THSD4: variants seen among roughly 807,000 people sequenced by gnomAD.
The protein encoded by THSD4 is thrombospondin type 1 domain containing 4, also known as thrombospondin type-1 domain-containing protein 4.
Under a neutral mutation model 119.0 loss-of-function variants are expected in THSD4, and 69 were observed. The ratio of observed to expected loss-of-function variants is 0.58; its 90% CI spans 0.48 to 0.71. THSD4 has a LOEUF of 0.71. Among genes scored for constraint, THSD4 ranks in the 30% least tolerant of loss-of-function variants. The pLI is 0.00. For synonymous variants in THSD4, 524 were observed against 540.4 expected, an observed-to-expected ratio of 0.97 and a Z score of 0.42; for missense variants, 1,393 against 1,391.1, an observed-to-expected ratio of 1.00 and a Z score of -0.02.
intron 2 of THSD4, among the ~76,000 whole-genome samples, chr15:71,144,295 T>G (rs1217166031): frequency 1.3e-5 from 2 of 152,152 alleles, no homozygotes; most frequent in Non-Finnish European, 2.9e-5. Flanking sequence ...AAATATATTT[T>G]TAAGAGAAAA....
chr15:71,679,064 A>G (rs184118097), intron 8 of THSD4, among the ~76,000 whole-genome samples: 193 of 152,330 alleles, frequency 1.3e-3, no homozygotes, highest in African/African-American at 4.2e-3. Flanking sequence ...ATAATTAAAC[A>G]TTTCAATGGA....
At chr15:71,251,619 G>A (rs1234488169) in intron 5 of THSD4, among the ~76,000 whole-genome samples, 1 of 152,172 alleles carries the variant, frequency 6.6e-6, no homozygotes, top group Non-Finnish European at 1.5e-5. Flanking sequence ...CTGGTCTTTT[G>A]ATTGAATCCA....
Position 71,777,350 on chromosome 15 carries a change from G to A in THSD4, c.3033G>A (p.Gln1011=), listed in dbSNP as rs1567148428. 3.1e-6 allele frequency: 5 copies of A among 1,613,990 alleles called. No individual in the cohort carries two copies. Among genetic ancestry groups the A allele is most frequent in the Non-Finnish European group, 3.4e-6 (4 of 1,180,032 alleles). The stretch of plus-strand genomic sequence containing the variant: ...CCTGCACCCGTGTGGCCAACAGGCA[G>A]ACGGGCTTCCTGGGGAGCAGATAAC... ...CASCTRVANR[Q]TGFLGSR is the part of the protein sequence containing the mutation. Residue 1011 remains glutamine (Q), a synonymous_variant, in exon 18 of 18, where the codon CAG becomes CAA. Transcript: ENST00000261862.
chr15:71,389,810 G>GTTTTTTTTTTGTTTT (rs2046349093), intron 6 of THSD4, among the ~76,000 whole-genome samples: 1 of 87,998 alleles, frequency 1.1e-5, no homozygotes, highest in South Asian at 4.9e-4. Context: ...TTTCTGGGTT[G>GTTTTTTTTTTGTTTT]TTTTTTTTTT....
At chr15:71,573,412 T>C (rs533901184) in intron 7 of THSD4, among the ~76,000 whole-genome samples, 11 of 152,330 alleles carry the variant, frequency 7.2e-5, no homozygotes, top group South Asian at 4.1e-4. Context: ...CTTCATTTTT[T>C]AGTGAAGCGC....
chr15:71,168,129 A>AT (rs1417424321), intron 3 of THSD4, among the ~76,000 whole-genome samples: 9 of 152,252 alleles, frequency 5.9e-5, no homozygotes, highest in Non-Finnish European at 1.0e-4. Flanking sequence ...AAATGACTAC[A>AT]TTTTTAAAAC....
intron 6 of THSD4, among the ~76,000 whole-genome samples, chr15:71,403,436 T>C (rs912308449): frequency 6.6e-6 from 1 of 152,228 alleles, no homozygotes; most frequent in African/African-American, 2.4e-5. Context: ...CTATTTTGTT[T>C]CTATTCAGGG....
intron 7 of THSD4, among the ~76,000 whole-genome samples, chr15:71,458,448 T>C (rs999665769): frequency 1.7e-4 from 26 of 152,170 alleles, no homozygotes; most frequent in African/African-American, 5.3e-4. Flanking sequence ...ATTAGGATAA[T>C]AAATGTAAAA....
intron 7 of THSD4, among the ~76,000 whole-genome samples, chr15:71,453,054 G>A (rs559204484): frequency 6.6e-6 from 1 of 152,222 alleles, no homozygotes; most frequent in Non-Finnish European, 1.5e-5. Flanking sequence ...AGGACACAGC[G>A]AGAAGGTGGC....
chr15:71,407,986 G>A (rs1197340948), intron 6 of THSD4, among the ~76,000 whole-genome samples: 1 of 152,126 alleles, frequency 6.6e-6, no homozygotes, highest in Admixed American at 6.5e-5. Flanking sequence ...TGGAGGCAGG[G>A]AGGACATTCA....
intron 7 of THSD4, among the ~76,000 whole-genome samples, chr15:71,481,525 T>A (rs1324659568): frequency 6.6e-6 from 1 of 152,200 alleles, no homozygotes; most frequent in African/African-American, 2.4e-5. Context: ...AGAAGTAATT[T>A]CTTAGATACA....
intron 6 of THSD4, among the ~76,000 whole-genome samples, chr15:71,310,228 A>G (rs544511716): frequency 6.6e-6 from 1 of 151,964 alleles, no homozygotes; most frequent in Non-Finnish European, 1.5e-5. Context: ...ATTCTCTTAC[A>G]CTGTGGGACT....
chr15:71,701,916 A>G (rs4777441), intron 8 of THSD4, among the ~76,000 whole-genome samples: 34,161 of 152,090 alleles, frequency 0.22, 5,030 homozygotes, highest in African/African-American at 0.42. Flanking sequence ...GATTTAAAAA[A>G]AATTAAAATT....
intron 7 of THSD4, among the ~76,000 whole-genome samples, chr15:71,566,733 C>T (rs912238596): frequency 5.4e-5 from 8 of 148,098 alleles, no homozygotes; most frequent in South Asian, 2.3e-4. Context: ...TATCCCAGGG[C>T]CCCCCCTCTT....
intron 6 of THSD4, among the ~76,000 whole-genome samples, chr15:71,367,349 T>C (rs1264503053): frequency 6.6e-6 from 1 of 152,254 alleles, no homozygotes; most frequent in Non-Finnish European, 1.5e-5. Flanking sequence ...ACGTGCAGGT[T>C]TGTTACATAT....
intron 6 of THSD4, among the ~76,000 whole-genome samples, chr15:71,406,643 G>GCT (rs1473216019): frequency 4.0e-5 from 5 of 126,194 alleles, no homozygotes; most frequent in African/African-American, 1.2e-4. Context: ...AGGTTTGTTT[G>GCT]GTGTGTGTGT....
At chr15:71,319,155 A>T (rs1024242930) in intron 6 of THSD4, among the ~76,000 whole-genome samples, 1 of 152,144 alleles carries the variant, frequency 6.6e-6, no homozygotes, top group Non-Finnish European at 1.5e-5. Context: ...AGCACACCAT[A>T]ATCAGGACTG....
chr15:71,704,355 G>A (rs1249233314), intron 8 of THSD4, among the ~76,000 whole-genome samples: 1 of 152,190 alleles, frequency 6.6e-6, no homozygotes, highest in Non-Finnish European at 1.5e-5. Flanking sequence ...GTCCGGGTGG[G>A]AGGTAATTGA....
At position 71,748,452 on chromosome 15, in the gene THSD4, C is replaced by G. The variant is rs1465306447; in HGVS notation, c.2273C>G (p.Thr758Ser). ...CSVPCGVGQR[T>S]RDVKCVSNIG... ...GTGCCCTGCGGCGTGGGACAGAGGACCCGTGATGTGAAGTGTGTGAGCAAC... is the reference window on the plus strand; with the variant it reads ...GTGCCCTGCGGCGTGGGACAGAGGAGCCGTGATGTGAAGTGTGTGAGCAAC... The change falls in exon 14 of 18, where the codon ACC becomes AGC. Residue 758 changes from threonine to serine, a missense_variant. Transcript: ENST00000261862. The G allele has an allele frequency of 6.2e-7, 1 of 1,614,152 alleles. No individual in the cohort carries two copies. The highest frequency in any genetic ancestry group is 1.1e-5 in the South Asian group (1 of 91,072).
Sources: gnomAD v4.1 joint callset for allele counts (sites outside exome capture counted in the v4.1 genomes callset) on GRCh38, gnomAD v4.1.1 for gene constraint, MANE v1.5 for transcripts, NCBI Gene and HGNC (gene_info 2026-07-23, HGNC 2026-07-21) for gene names.